The following BLVRB variants were observed in gnomAD, a reference collection of about 807,000 sequenced individuals.
BLVRB encodes flavin reductase (NADPH).
BLVRB carries 25 observed loss-of-function variants against 21.1 expected under a neutral mutation model. The observed-to-expected ratio is 1.19, with a 90% CI of 0.86 to 1.66. The LOEUF (loss-of-function observed/expected upper bound fraction) is 1.66. Ranked by LOEUF, BLVRB falls within the 40% of genes most tolerant of loss-of-function variation. The probability of loss-of-function intolerance (pLI) is 0.00; values close to 1 mark genes in which losing one functional copy is unlikely to be tolerated. For missense variants in BLVRB, 274 were observed against 282.7 expected, an observed-to-expected ratio of 0.97 and a Z score of 0.22; for synonymous variants, 128 against 122.2, an observed-to-expected ratio of 1.05 and a Z score of -0.31.
At chr19:40,462,614 G>A (rs1248335538) in intron 1 of BLVRB, among the ~76,000 whole-genome samples, 5 of 148,928 alleles carry the variant, frequency 3.4e-5, no homozygotes, top group East Asian at 2.0e-4. Context: ...GCCATTGGCC[G>A]GGCGTGGTGG....
In BLVRB at chr19:40,451,349, C is replaced by G. The variant is rs911033977; in HGVS notation, c.463+15G>C. The stretch of plus-strand genomic sequence containing the variant: ...GCAGATGGCATTGGTGCCACCAGGT[C>G]CCTGCCCTGCTTACCTATGTGTGGC... On this transcript the variant is annotated intron_variant, in intron 4 of 4. Coordinates refer to ENST00000263368, the MANE Select transcript of BLVRB (RefSeq NM_000713.3). 1.3e-6 allele frequency: 2 copies of G among 1,593,170 alleles called. No homozygotes were observed. The highest frequency in any genetic ancestry group is 2.7e-5 in the African/African-American group (2 of 74,806).
intron 1 of BLVRB, among the ~76,000 whole-genome samples, chr19:40,463,189 T>G (rs140297517): frequency 8.6e-4 from 127 of 147,096 alleles, no homozygotes; most frequent in African/African-American, 3.0e-3. Flanking sequence ...CTGAGGCAAT[T>G]TTAGGCAACC....
intron 3 of BLVRB, 70 bp from the exon 4 acceptor site, chr19:40,451,562 G>T (rs1473785870): frequency 1.1e-5 from 16 of 1,439,626 alleles, no homozygotes; most frequent in Admixed American, 2.7e-5. Flanking sequence ...GAGACAGAGT[G>T]TCGCTTTGTC....
chr19:40,459,287 C>T (rs980845496), intron 1 of BLVRB, among the ~76,000 whole-genome samples: 4 of 121,008 alleles, frequency 3.3e-5, no homozygotes, highest in Non-Finnish European at 6.4e-5. Flanking sequence ...GAGATTGCAC[C>T]AGTGCACTCC....
At position 40,459,818 on chromosome 19, in the gene BLVRB, A is replaced by G. The variant is rs753704386; in HGVS notation, c.80-1273T>C. On this transcript the variant is annotated intron_variant, in intron 1 of 4. Transcript: ENST00000263368. ...ACTCCTAACCTCAGGTGATCCACCC[A>G]CCTTGGCCTCCCAAAGTGCTAGGAT... 5.9e-5 allele frequency among the ~76,000 whole-genome samples: 9 copies of G among 152,274 alleles called. No homozygotes were observed. The East Asian group carries it at 1.2e-3, about 20-fold the overall frequency.
chr19:40,453,828 A>G (rs2079750787), intron 3 of BLVRB, among the ~76,000 whole-genome samples: 1 of 152,126 alleles, frequency 6.6e-6, no homozygotes, highest in Admixed American at 6.6e-5. Context: ...CTGTCTCTAC[A>G]GAAAATTAAA....
intron 1 of BLVRB, among the ~76,000 whole-genome samples, chr19:40,462,619 TG>T (rs1225324564): frequency 7.0e-6 from 1 of 143,334 alleles, no homozygotes; most frequent in African/African-American, 2.5e-5. Flanking sequence ...TGGCCGGGCG[TG>T]GTGGCTCACG....
rs566172590 is a variant in BLVRB at position 40,464,396 on chromosome 19, C to T, written c.79+1214G>A. Among the ~76,000 whole-genome samples the T allele has an allele frequency of 2.8e-5, 4 of 142,240 alleles. No individual in the cohort carries two copies. In the South Asian group the frequency reaches 8.9e-4, roughly 32 times the overall value. The allele number at this position is 142,240 out of a possible 152,430, so 93.3% of individuals were successfully genotyped here. ...GGCATGATCCACCGTGCCTGGCCAG[C>T]CCTTCCCTTTGCTGAGGGGGACAGC... On this transcript the variant is annotated intron_variant, in intron 1 of 4. Transcript: ENST00000263368.
At position 40,465,730 on chromosome 19, in the gene BLVRB, C is replaced by G; in HGVS notation, c.-42G>C. On this transcript the variant is annotated 5_prime_UTR_variant, in exon 1 of 5. Coordinates refer to ENST00000263368, the MANE Select transcript of BLVRB (RefSeq NM_000713.3). ...GGTGCAAGGCCTCAGAGTCTCGGCACGCGCGGGAACCCACTGGCTGCTGGG... is the reference window on the plus strand; with the variant it reads ...GGTGCAAGGCCTCAGAGTCTCGGCAGGCGCGGGAACCCACTGGCTGCTGGG... 1 of 1,598,228 alleles carries G rather than the reference C, an allele frequency of 6.3e-7. No homozygotes were observed. Among genetic ancestry groups the G allele is most frequent in the Non-Finnish European group, 8.5e-7 (1 of 1,169,792 alleles).
chr19:40,448,102 A>G lies in BLVRB; in HGVS notation c.464-56T>C, dbSNP rs930488568. 2.6e-6 allele frequency: 4 copies of G among 1,561,742 alleles called. No individual in the cohort carries two copies. In the African/African-American group the frequency reaches 4.1e-5, roughly 16 times the overall value. On this transcript the variant is annotated intron_variant, in intron 4 of 4. Transcript: ENST00000263368. ...AAGCAGACACCTTTCCCTTCCCCCA[A>G]AATTCGACCCCCAGAAAGACCTTCC...
chr19:40,449,732 A>G (rs1322837792), intron 4 of BLVRB, among the ~76,000 whole-genome samples: 1 of 152,222 alleles, frequency 6.6e-6, no homozygotes, highest in Admixed American at 6.5e-5. Flanking sequence ...AAATATACAT[A>G]TGCATATATG....
intron 3 of BLVRB, among the ~76,000 whole-genome samples, chr19:40,456,256 C>A (rs960233041): frequency 2.6e-5 from 4 of 151,890 alleles, no homozygotes; most frequent in African/African-American, 9.7e-5. Context: ...AGTTTAAGAT[C>A]ATTTCCAGAT....
At chr19:40,460,269 T>TATATATAC (rs1281133813) in intron 1 of BLVRB, among the ~76,000 whole-genome samples, 3 of 140,694 alleles carry the variant, frequency 2.1e-5, no homozygotes, top group African/African-American at 8.4e-5. Flanking sequence ...TATATATATA[T>TATATATAC]ATATATTTAG....
chr19:40,457,342 AT>A (rs2079766157), intron 3 of BLVRB, among the ~76,000 whole-genome samples: 1 of 152,160 alleles, frequency 6.6e-6, no homozygotes, highest in African/African-American at 2.4e-5. Flanking sequence ...AATTACAATC[AT>A]CAGGCAGCCC....
intron 4 of BLVRB, among the ~76,000 whole-genome samples, chr19:40,448,630 T>TTTGTCAG (rs2079725618): frequency 6.9e-6 from 1 of 145,834 alleles, no homozygotes; most frequent in Non-Finnish European, 1.5e-5. Flanking sequence ...TATATATATA[T>TTTGTCAG]ATATATATAT....
chr19:40,454,636 C>T (rs928752226), intron 3 of BLVRB, among the ~76,000 whole-genome samples: 3 of 151,366 alleles, frequency 2.0e-5, no homozygotes, highest in East Asian at 3.9e-4. Context: ...AGCTCCTCCT[C>T]CCGGGTTTAC....
In BLVRB at chr19:40,465,643, C is replaced by T; in HGVS notation, c.46G>A (p.Gly16Arg). The T allele has an allele frequency of 2.5e-6, 4 of 1,612,784 alleles. No individual in the cohort carries two copies. Among genetic ancestry groups the T allele is most frequent in the Non-Finnish European group, 3.4e-6 (4 of 1,179,826 alleles). ...IAIFGATGQT[G>R]LTTLAQAVQA... The stretch of plus-strand genomic sequence containing the variant: ...ACCGCCTGCGCCAGGGTGGTGAGCC[C>T]GGTCTGGCCAGTGGCGCCGAAGATC... Residue 16 changes from glycine (G) to arginine (R), a missense_variant, in exon 1 of 5, where the codon GGG becomes AGG. Transcript: ENST00000263368.
At chr19:40,454,631 C>T (rs1375213392) in intron 3 of BLVRB, among the ~76,000 whole-genome samples, 3 of 151,666 alleles carry the variant, frequency 2.0e-5, no homozygotes, top group Non-Finnish European at 4.4e-5. Context: ...CTGCAAGCTC[C>T]TCCTCCCGGG....
rs536694663 is a variant in BLVRB at position 40,455,982 on chromosome 19, G to A, written c.334+2173C>T. 6.6e-5 allele frequency among the ~76,000 whole-genome samples: 10 copies of A among 151,392 alleles called. No homozygotes were observed. In the South Asian group the frequency reaches 1.5e-3, roughly 22 times the overall value. ...CAAAAATTAGCCAGCCTTATAACCC[G>A]GTCTCAAAATAAATAAATAAATAGA... On this transcript the variant is annotated intron_variant, in intron 3 of 4. Coordinates refer to ENST00000263368, the MANE Select transcript of BLVRB (RefSeq NM_000713.3).
Sources: gnomAD v4.1 joint callset for allele counts (sites outside exome capture counted in the v4.1 genomes callset) on GRCh38, gnomAD v4.1.1 for gene constraint, MANE v1.5 for transcripts, NCBI Gene and HGNC (gene_info 2026-07-23, HGNC 2026-07-21) for gene names.